The following LRRC4C variants were observed in gnomAD, a reference collection of about 807,000 sequenced individuals.
LRRC4C encodes the protein leucine-rich repeat-containing protein 4C.
LRRC4C carries 5 observed loss-of-function variants against 33.6 expected under a neutral mutation model. That is an observed-to-expected ratio of 0.15 (90% CI 0.08 to 0.31). The LOEUF is 0.31. LRRC4C is among the 10% of genes least tolerant of loss of function. The pLI, the probability that LRRC4C is intolerant of heterozygous loss-of-function variation, is 1.00. For synonymous variants in LRRC4C, 329 were observed against 302.0 expected (o/e 1.09, Z -0.93); for missense variants, 560 against 796.7 (o/e 0.70, Z 3.58).
chr11:41,273,686 C>A (rs77159490), intron 1 of LRRC4C, among the ~76,000 whole-genome samples: 6,964 of 152,074 alleles, frequency 0.046, 201 homozygotes, highest in South Asian at 0.074. Context: ...GCCTACAGTT[C>A]GCAATATGGT....
At chr11:41,273,623 A>G (rs115421934) in intron 1 of LRRC4C, among the ~76,000 whole-genome samples, 1 of 152,192 alleles carries the variant, frequency 6.6e-6, no homozygotes, top group African/African-American at 2.4e-5. Flanking sequence ...TTGCTCAGTG[A>G]ATATTCATTT....
intron 6 of LRRC4C, among the ~76,000 whole-genome samples, chr11:40,134,581 G>A (rs1340388907): frequency 6.6e-6 from 1 of 152,136 alleles, no homozygotes; most frequent in East Asian, 1.9e-4. Context: ...GCAGTGGTAT[G>A]GAATATGAAT....
rs140749030 is a variant in LRRC4C, at chr11:40,601,914, A to G, written c.-270+46228T>C. 7.8e-4 allele frequency among the ~76,000 whole-genome samples: 118 copies of G among 152,174 alleles called. 1 individual carries two copies. Among genetic ancestry groups the G allele is most frequent in the African/African-American group, 2.7e-3 (113 of 41,532 alleles). The stretch of plus-strand genomic sequence containing the variant: ...AAAATAAATATTAATAACTGGGCTG[A>G]GCGCAGTGGCTCATGCGTGTAATCC... On this transcript the variant is annotated intron_variant, in intron 3 of 6. Transcript: ENST00000528697.
At chr11:40,914,532 T>C (rs974544756) in intron 2 of LRRC4C, among the ~76,000 whole-genome samples, 2 of 152,204 alleles carry the variant, frequency 1.3e-5, no homozygotes, top group African/African-American at 4.8e-5. Context: ...AAATTAGGTA[T>C]TGATGGGACA....
chr11:40,183,006 T>G (rs2135535055), intron 5 of LRRC4C, among the ~76,000 whole-genome samples: 1 of 152,322 alleles, frequency 6.6e-6, no homozygotes, highest in South Asian at 2.1e-4. Context: ...AGCAGATATG[T>G]GAATCCAGCT....
At chr11:40,871,264 A>T (rs903557962) in intron 2 of LRRC4C, among the ~76,000 whole-genome samples, 1 of 151,902 alleles carries the variant, frequency 6.6e-6, no homozygotes, top group Non-Finnish European at 1.5e-5. Context: ...GTGATATCTT[A>T]TTACCTTGTG....
chr11:41,410,600 C>T (rs1225497981), intron 1 of LRRC4C, among the ~76,000 whole-genome samples: 1 of 151,690 alleles, frequency 6.6e-6, no homozygotes, highest in East Asian at 2.0e-4. Flanking sequence ...GCCATCACGC[C>T]CAGCTAATTT....
chr11:40,244,465 A>G (rs1226261230), intron 4 of LRRC4C, among the ~76,000 whole-genome samples: 1 of 152,184 alleles, frequency 6.6e-6, no homozygotes, highest in African/African-American at 2.4e-5. Flanking sequence ...CAAGTCTGTC[A>G]ATACACCTGG....
chr11:40,420,401 C>G (rs946623029), intron 3 of LRRC4C, among the ~76,000 whole-genome samples: 6 of 152,186 alleles, frequency 3.9e-5, no homozygotes, highest in Non-Finnish European at 7.4e-5. Flanking sequence ...TTATGGCAAA[C>G]CAGGACTTTT....
At chr11:40,812,755 A>C (rs756837045) in intron 2 of LRRC4C, among the ~76,000 whole-genome samples, 16 of 152,176 alleles carry the variant, frequency 1.1e-4, no homozygotes, top group Admixed American at 7.9e-4. Context: ...GGATAATGGA[A>C]AATTGTAATT....
intron 3 of LRRC4C, among the ~76,000 whole-genome samples, chr11:40,492,632 C>A (rs915085451): frequency 9.2e-5 from 14 of 152,052 alleles, no homozygotes; most frequent in Non-Finnish European, 2.1e-4. Context: ...CTGACATTAT[C>A]TTTTCTTTTA....
intron 2 of LRRC4C, among the ~76,000 whole-genome samples, chr11:40,710,190 G>C (rs1946389504): frequency 6.6e-6 from 1 of 152,174 alleles, no homozygotes; most frequent in Admixed American, 6.5e-5. Context: ...GCCTACTTCT[G>C]TCAACTCGTC....
At chr11:41,082,956 A>G (rs1242101897) in intron 1 of LRRC4C, among the ~76,000 whole-genome samples, 2 of 152,214 alleles carry the variant, frequency 1.3e-5, no homozygotes, top group Admixed American at 1.3e-4. Flanking sequence ...TTGGCTGATA[A>G]ATTATATGTT....
chr11:40,145,147 T>G, intron 5 of LRRC4C, among the ~76,000 whole-genome samples: 1 of 152,292 alleles, frequency 6.6e-6, no homozygotes, highest in African/African-American at 2.4e-5. Context: ...TTGAATAAGA[T>G]AATGAAATAG....
At chr11:40,921,113 A>C (rs770328623) in intron 2 of LRRC4C, among the ~76,000 whole-genome samples, 4 of 151,952 alleles carry the variant, frequency 2.6e-5, no homozygotes, top group Non-Finnish European at 5.9e-5. Context: ...CGTAGAGACA[A>C]GGTCTCGCTA....
intron 3 of LRRC4C, among the ~76,000 whole-genome samples, chr11:40,370,915 T>C (rs1395261994): frequency 6.6e-6 from 1 of 152,204 alleles, no homozygotes; most frequent in Admixed American, 6.5e-5. Context: ...CCTCTTTAAA[T>C]GGATCTTTTG....
chr11:40,863,231 T>C (rs546886652), intron 2 of LRRC4C, among the ~76,000 whole-genome samples: 11 of 152,308 alleles, frequency 7.2e-5, no homozygotes, highest in Non-Finnish European at 1.5e-4. Context: ...CTCTCACTCA[T>C]GGTCTACTTA....
At chr11:40,298,507 T>C (rs1944622390) in intron 4 of LRRC4C, among the ~76,000 whole-genome samples, 2 of 150,856 alleles carry the variant, frequency 1.3e-5, no homozygotes, top group South Asian at 2.1e-4. Context: ...AGAAATCCAA[T>C]AGAGCAAGCA....
chr11:40,427,710 G>A (rs1950768355), intron 3 of LRRC4C, among the ~76,000 whole-genome samples: 1 of 151,076 alleles, frequency 6.6e-6, no homozygotes, highest in Non-Finnish European at 1.5e-5. Flanking sequence ...TATGCCTGTA[G>A]TCCCAGCTAT....
Sources: allele counts gnomAD v4.1 joint callset (sites outside exome capture counted in the v4.1 genomes callset), GRCh38; gene constraint gnomAD v4.1.1; transcripts MANE v1.5; gene names NCBI Gene and HGNC (gene_info 2026-07-23, HGNC 2026-07-21).